The following ASIC2 variants were observed in gnomAD, a reference collection of about 807,000 sequenced individuals.
ASIC2 encodes acid sensing ion channel subunit 2, also known as acid-sensing ion channel 2.
ASIC2 carries 25 observed loss-of-function variants against 57.3 expected under a neutral mutation model. The observed-to-expected ratio is 0.44, with a 90% CI of 0.32 to 0.61. The LOEUF (loss-of-function observed/expected upper bound fraction) is 0.61, where lower values mean the gene tolerates loss of function less well. ASIC2 is among the 20% of genes least tolerant of loss of function. The pLI, the probability that ASIC2 is intolerant of heterozygous loss-of-function variation, is 0.06. For synonymous variants in ASIC2, 319 were observed against 307.5 expected, an observed-to-expected ratio of 1.04 and a Z score of -0.39; for missense variants, 641 against 738.1, an observed-to-expected ratio of 0.87 and a Z score of 1.52.
chr17:33,082,746 A>AAAT (rs2092118310), intron 3 of ASIC2, among the ~76,000 whole-genome samples: 1 of 151,948 alleles, frequency 6.6e-6, no homozygotes, highest in Non-Finnish European at 1.5e-5. Flanking sequence ...ATAAATAAAT[A>AAAT]ATCATGGTTT....
chr17:34,014,808 G>C (rs560444685), intron 1 of ASIC2, among the ~76,000 whole-genome samples: 2 of 152,234 alleles, frequency 1.3e-5, no homozygotes, highest in South Asian at 4.2e-4. Context: ...AGAATGCTTG[G>C]CATGTGTTAG....
chr17:34,128,477 T>A (rs1284367530), intron 1 of ASIC2, among the ~76,000 whole-genome samples: 1 of 152,166 alleles, frequency 6.6e-6, no homozygotes, highest in East Asian at 1.9e-4. Context: ...ACTTATTCAA[T>A]GTGATAGTAG....
chr17:33,573,800 C>T (rs749931180), intron 1 of ASIC2, among the ~76,000 whole-genome samples: 7 of 152,080 alleles, frequency 4.6e-5, no homozygotes, highest in South Asian at 2.1e-4. Context: ...TCCTGACCTC[C>T]GGTGATCCAC....
chr17:33,979,645 A>G (rs559164795), intron 1 of ASIC2, among the ~76,000 whole-genome samples: 1 of 151,974 alleles, frequency 6.6e-6, no homozygotes, highest in East Asian at 1.9e-4. Flanking sequence ...TCATACAAGA[A>G]CTCTCACTTT....
chr17:33,691,938 G>A (rs1597837272), intron 1 of ASIC2, among the ~76,000 whole-genome samples: 1 of 152,136 alleles, frequency 6.6e-6, no homozygotes, highest in Non-Finnish European at 1.5e-5. Flanking sequence ...ATCATAAAGT[G>A]CACTAACATG....
intron 1 of ASIC2, among the ~76,000 whole-genome samples, chr17:33,133,199 G>A (rs1045206727): frequency 6.6e-6 from 1 of 152,230 alleles, no homozygotes; most frequent in African/African-American, 2.4e-5. Context: ...TGATGGAGAA[G>A]GAGCATTTCA....
chr17:33,413,781 C>A (rs1910743353), intron 1 of ASIC2, among the ~76,000 whole-genome samples: 1 of 152,236 alleles, frequency 6.6e-6, no homozygotes, highest in Non-Finnish European at 1.5e-5. Flanking sequence ...TCTATGACCC[C>A]CTGAGACTGG....
chr17:33,895,391 G>C (rs1227020100), intron 1 of ASIC2, among the ~76,000 whole-genome samples: 1 of 152,082 alleles, frequency 6.6e-6, no homozygotes, highest in Non-Finnish European at 1.5e-5. Context: ...TCGAACTCCT[G>C]ACCTCAAATG....
intron 1 of ASIC2, among the ~76,000 whole-genome samples, chr17:33,923,635 G>A (rs1915757444): frequency 6.6e-6 from 1 of 152,156 alleles, no homozygotes; most frequent in Admixed American, 6.5e-5. Context: ...TTTATAGAAG[G>A]AGGCTGTGGG....
chr17:33,700,957 G>A (rs1022081529), intron 1 of ASIC2, among the ~76,000 whole-genome samples: 2 of 152,122 alleles, frequency 1.3e-5, no homozygotes, highest in Non-Finnish European at 2.9e-5. Context: ...AGAATTGGGG[G>A]AGCATTCTAA....
In ASIC2 at chr17:33,856,798, T is replaced by C. The variant is rs892802488; in HGVS notation, c.555+299180A>G. On this transcript the variant is annotated intron_variant, in intron 1 of 9. Coordinates refer to the ASIC2 transcript ENST00000359872. ...GGCCTGAGAGACCGCGACAGGTAGT[T>C]CAGGGACCTGTAAGCAGTCATGATG... Among the ~76,000 whole-genome samples the C allele has an allele frequency of 3.5e-4, 53 of 152,030 alleles. 1 individual carries two copies. Among genetic ancestry groups the C allele is most frequent in the Non-Finnish European group, 1.0e-4 (7 of 68,008 alleles).
At chr17:33,613,230 C>A (rs1905471105) in intron 1 of ASIC2, among the ~76,000 whole-genome samples, 2 of 152,136 alleles carry the variant, frequency 1.3e-5, no homozygotes, top group Non-Finnish European at 2.9e-5. Context: ...TGTGGTAGAA[C>A]CTTCAAATAA....
At chr17:33,229,500 C>G (rs16968168) in intron 1 of ASIC2, among the ~76,000 whole-genome samples, 2,591 of 152,242 alleles carry the variant, frequency 0.017, 84 homozygotes, top group African/African-American at 0.059. Context: ...GGAGGACGCT[C>G]TTGGGCAACA....
intron 1 of ASIC2, among the ~76,000 whole-genome samples, chr17:33,560,373 C>A (rs1174969213): frequency 6.6e-6 from 1 of 152,106 alleles, no homozygotes; most frequent in Non-Finnish European, 1.5e-5. Flanking sequence ...ATGACTAAGG[C>A]AACTGCTACT....
chr17:33,037,389 CTTTTTTTTTT>C (rs35286664), intron 3 of ASIC2, among the ~76,000 whole-genome samples: 3 of 123,832 alleles, frequency 2.4e-5, no homozygotes, highest in Non-Finnish European at 4.9e-5. Context: ...ACTTCCCCCT[CTTTTTTTTTT>C]TTTTTTTTTT....
At chr17:33,158,111 A>AT (rs1338258012) in intron 1 of ASIC2, among the ~76,000 whole-genome samples, 1 of 151,904 alleles carries the variant, frequency 6.6e-6, no homozygotes, top group Non-Finnish European at 1.5e-5. Flanking sequence ...CTCCTGTTTT[A>AT]TTTTTTCTCC....
At chr17:33,550,561 A>C (rs1915721032) in intron 1 of ASIC2, among the ~76,000 whole-genome samples, 2 of 152,174 alleles carry the variant, frequency 1.3e-5, no homozygotes, top group South Asian at 4.1e-4. Context: ...TAAACAGCAG[A>C]GGCTGAAGAG....
intron 1 of ASIC2, among the ~76,000 whole-genome samples, chr17:33,881,057 A>G (rs2141939782): frequency 1.3e-5 from 2 of 152,374 alleles, no homozygotes. Context: ...ACAAAATTCA[A>G]CAGCCCTTCA....
At chr17:33,789,348 C>T (rs1204095352) in intron 1 of ASIC2, among the ~76,000 whole-genome samples, 1 of 152,126 alleles carries the variant, frequency 6.6e-6, no homozygotes, top group Non-Finnish European at 1.5e-5. Flanking sequence ...TCCAGACATC[C>T]TGATAAGCAC....
Sources: gnomAD v4.1 joint callset for allele counts (sites outside exome capture counted in the v4.1 genomes callset) on GRCh38, gnomAD v4.1.1 for gene constraint, MANE v1.5 for transcripts, NCBI Gene and HGNC (gene_info 2026-07-23, HGNC 2026-07-21) for gene names.